IFNE: variants seen among roughly 807,000 people sequenced by gnomAD.
IFNE encodes the protein interferon epsilon.
For missense variants in IFNE, 276 were observed against 232.4 expected, an observed-to-expected ratio of 1.19 and a Z score of -1.22; for synonymous variants, 94 against 87.4, an observed-to-expected ratio of 1.08 and a Z score of -0.42.
At position 21,481,412 on chromosome 9, in the gene IFNE, T is replaced by C. The variant is rs1819038896; in HGVS notation, c.283A>G (p.Asn95Asp). Residue 95 changes from asparagine to aspartate, a missense_variant, in exon 1 of 1, where the codon AAT becomes GAT. By Grantham distance (23) the Asn-to-Asp change is conservative. Coordinates refer to ENST00000448696, the MANE Select transcript of IFNE (RefSeq NM_176891.5). ...TCCTCCCAACCATCCAGAGAAATAT[T>C]TGCCCTGAAGAGGCTGAAGATCTGC... ...LQQIFSLFRA[N>D]ISLDGWEENH... is the part of the protein sequence containing the mutation. 4 of 1,614,042 alleles carry C rather than the reference T, an allele frequency of 2.5e-6. No individual in the cohort carries two copies. The South Asian group carries it at 4.4e-5, about 18-fold the overall frequency.
At position 21,481,383 on chromosome 9, in the gene IFNE, G is replaced by C. The variant is rs370937483; in HGVS notation, c.312C>G (p.Asn104Lys). 6.8e-6 allele frequency: 11 copies of C among 1,614,092 alleles called. No homozygotes were observed. The highest frequency in any genetic ancestry group is 9.3e-6 in the Non-Finnish European group (11 of 1,179,964). ...ANISLDGWEENHTEKFLIQLH... is the reference protein window; with the variant it reads ...ANISLDGWEEKHTEKFLIQLH... ...GTTGAATGAGGAATTTCTCCGTGTGGTTTTCCTCCCAACCATCCAGAGAAA... is the reference window on the plus strand; with the variant it reads ...GTTGAATGAGGAATTTCTCCGTGTGCTTTTCCTCCCAACCATCCAGAGAAA... Residue 104 changes from asparagine (N) to lysine (K), a missense_variant, in exon 1 of 1, where the codon AAC (asparagine) becomes AAG (lysine). Transcript: ENST00000448696.
At position 21,481,260 on chromosome 9, in the gene IFNE, T is replaced by A. The variant is rs138418291; in HGVS notation, c.435A>T (p.Lys145Asn). The change falls in exon 1 of 1, where the codon AAA (lysine) becomes AAT (asparagine). Residue 145 changes from lysine to asparagine, a missense_variant. Coordinates refer to ENST00000448696, the MANE Select transcript of IFNE (RefSeq NM_176891.5). The part of the protein sequence containing the change: ...LGSDNLRLQV[K>N]MYFRRIHDYL... ...AATCATGGATCCTTCGGAAGTACAT[T>A]TTAACTTGTAATCTAAGGTTATCAC... is the stretch of plus-strand genomic sequence containing the variant. 631 of 1,614,152 alleles carry A rather than the reference T, an allele frequency of 3.9e-4. 2 individuals are homozygous for A. The highest frequency in any genetic ancestry group is 2.8e-3 in the South Asian group (257 of 91,070).
Position 21,481,347 on chromosome 9 carries a change from C to A in IFNE, c.348G>T (p.Gln116His), listed in dbSNP as rs773443149. 1.4e-5 allele frequency: 23 copies of A among 1,614,146 alleles called. No individual in the cohort carries two copies. In the South Asian group the frequency reaches 2.5e-4, roughly 18 times the overall value. Residue 116 changes from glutamine (Q) to histidine (H), a missense_variant, in exon 1 of 1, where the codon CAG (glutamine) becomes CAT (histidine). Physicochemically the swap from Gln to His is conservative, Grantham distance 24. Coordinates refer to ENST00000448696, the MANE Select transcript of IFNE (RefSeq NM_176891.5). ...CCATGAGTGCTTCTAGGTATTCTAG[C>A]TGTTGATGAAGTTGAATGAGGAATT... ...TEKFLIQLHQ[Q>H]LEYLEALMGL...
In IFNE at chr9:21,481,194, A is replaced by G. The variant is rs141265770; in HGVS notation, c.501T>C (p.Ile167=). The change falls in exon 1 of 1, where the codon ATT becomes ATC. Residue 167 remains isoleucine (I), a synonymous_variant. Coordinates refer to ENST00000448696, the MANE Select transcript of IFNE (RefSeq NM_176891.5). The part of the protein sequence containing the change: ...NQDYSTCAWA[I]VQVEISRCLF... ...GACATCGGCTGATTTCTACTTGGAC[A>G]ATGGCCCAGGCACAGGTGCTGTAGT... 3 of 1,614,142 alleles carry G rather than the reference A, an allele frequency of 1.9e-6. No individual in the cohort carries two copies. The highest frequency in any genetic ancestry group is 2.7e-5 in the African/African-American group (2 of 75,018).
chr9:21,481,661 C>T lies in IFNE; in HGVS notation c.34G>A (p.Val12Met), dbSNP rs960847236. ...AAGATAGTGGTAGAGGCCAGCAGCA[C>T]CAACACAGTTCCAAAGAAGTGCTTG... is the stretch of plus-strand genomic sequence containing the variant. ...IIKHFFGTVL[V>M]LLASTTIFSL... The change falls in exon 1 of 1, where the codon GTG becomes ATG. Residue 12 changes from valine (V) to methionine (M), a missense_variant. Transcript: ENST00000448696. 1 of 1,613,624 alleles carries T rather than the reference C, an allele frequency of 6.2e-7. No homozygotes were observed. Among genetic ancestry groups the T allele is most frequent in the Non-Finnish European group, 8.5e-7 (1 of 1,179,758 alleles).
rs1212374865 is a variant in IFNE at position 21,481,658 on chromosome 9, G to A, written c.37C>T (p.Leu13=). ...GAGAAGATAGTGGTAGAGGCCAGCAGCACCAACACAGTTCCAAAGAAGTGC... is the reference window on the plus strand; with the variant it reads ...GAGAAGATAGTGGTAGAGGCCAGCAACACCAACACAGTTCCAAAGAAGTGC... The part of the protein sequence containing the change: ...IKHFFGTVLV[L]LASTTIFSLD... The change falls in exon 1 of 1, where the codon CTG becomes TTG. Residue 13 remains leucine (L), a synonymous_variant. Coordinates refer to ENST00000448696, the MANE Select transcript of IFNE (RefSeq NM_176891.5). 1 of 1,613,654 alleles carries A rather than the reference G, an allele frequency of 6.2e-7. No homozygotes were observed. Among genetic ancestry groups the A allele is most frequent in the South Asian group, 1.1e-5 (1 of 91,018 alleles).
chr9:21,480,938 G>C lies in IFNE; in HGVS notation c.*130C>G, dbSNP rs1819022000. On this transcript the variant is annotated 3_prime_UTR_variant, in exon 1 of 1. Transcript: ENST00000448696. ...ACATTACAAAATAAAAACAATTGTG[G>C]TCAATATGCACAATCTTAAAACACA... 1.4e-6 allele frequency: 1 copy of C among 693,526 alleles called. No homozygotes were observed. Among genetic ancestry groups the C allele is most frequent in the Non-Finnish European group, 2.3e-6 (1 of 427,884 alleles). The allele number at this position is 693,526 out of a possible 1,614,324, so 43.0% of individuals were successfully genotyped here.
Position 21,481,055 on chromosome 9 carries a change from C to T in IFNE, c.*13G>A. On this transcript the variant is annotated 3_prime_UTR_variant, in exon 1 of 1. Transcript: ENST00000448696. Reference sequence around the variant, plus strand: ...GAAGAATCATGTCTGGAGAAGTCCTCTAGTCCCTCCACCTACCTCGGGCTT... The same window carrying T: ...GAAGAATCATGTCTGGAGAAGTCCTTTAGTCCCTCCACCTACCTCGGGCTT... 6.3e-7 allele frequency: 1 copy of T among 1,583,416 alleles called. No individual in the cohort carries two copies. Among genetic ancestry groups the T allele is most frequent in the Non-Finnish European group, 8.6e-7 (1 of 1,167,048 alleles).
Position 21,481,913 on chromosome 9 carries a change from T to A in IFNE, c.-219A>T. The stretch of plus-strand genomic sequence containing the variant: ...TTCTCCATTTCCCTATTGTGTTGGC[T>A]ATTTTGAGGAAGTACCAAAATAACT... On this transcript the variant is annotated 5_prime_UTR_variant, in exon 1 of 1. Coordinates refer to ENST00000448696, the MANE Select transcript of IFNE (RefSeq NM_176891.5). 1.9e-6 allele frequency: 1 copy of A among 516,048 alleles called. No homozygotes were observed. Among genetic ancestry groups the A allele is most frequent in the African/African-American group, 2.0e-5 (1 of 50,930 alleles). 32.0% of individuals were successfully genotyped at this position (516,048 alleles called of 1,614,324 possible).
chr9:21,481,085 A>G lies in IFNE; in HGVS notation c.610T>C (p.Phe204Leu). The change falls in exon 1 of 1, where the codon TTT (phenylalanine) becomes CTT (leucine). Residue 204 changes from phenylalanine to leucine, a missense_variant. Phe to Leu is a conservative substitution (Grantham distance 22, BLOSUM62 0). Transcript: ENST00000448696. ...CCCTCCACCTACCTCGGGCTTCTAAACTCTGTAGTAAGCTCTTGCTTCATG... is the reference window on the plus strand; with the variant it reads ...CCCTCCACCTACCTCGGGCTTCTAAGCTCTGTAGTAAGCTCTTGCTTCATG... ...NDMKQELTTEFRSPR is the reference protein window; with the variant it reads ...NDMKQELTTELRSPR 1 of 1,609,756 alleles carries G rather than the reference A, an allele frequency of 6.2e-7. No homozygotes were observed. The highest frequency in any genetic ancestry group is 1.1e-5 in the South Asian group (1 of 90,302).
In IFNE at chr9:21,481,006, C is replaced by A; in HGVS notation, c.*62G>T. On this transcript the variant is annotated 3_prime_UTR_variant, in exon 1 of 1. Coordinates refer to ENST00000448696, the MANE Select transcript of IFNE (RefSeq NM_176891.5). ...ACAAAATCAAAGCAATGTGATTGTA[C>A]TATAAATTGTATTACCACTCTATGA... 7.8e-7 allele frequency: 1 copy of A among 1,274,278 alleles called. No individual in the cohort carries two copies. The highest frequency in any genetic ancestry group is 1.1e-6 in the Non-Finnish European group (1 of 915,168). The allele number at this position is 1,274,278 out of a possible 1,614,324, so 78.9% of individuals were successfully genotyped here. A position where few individuals can be genotyped will look rare whatever the true frequency, so the allele number is the denominator to read the frequency against.
chr9:21,481,407 A>G lies in IFNE; in HGVS notation c.288T>C (p.Ile96=), dbSNP rs1373444545. 6.2e-7 allele frequency: 1 copy of G among 1,614,154 alleles called. No individual in the cohort carries two copies. ...QQIFSLFRAN[I]SLDGWEENHT... ...GGTTTTCCTCCCAACCATCCAGAGA[A>G]ATATTTGCCCTGAAGAGGCTGAAGA... Residue 96 remains isoleucine, a synonymous_variant, in exon 1 of 1, where the codon ATT becomes ATC. Coordinates refer to ENST00000448696, the MANE Select transcript of IFNE (RefSeq NM_176891.5).
rs755808208 is a variant in IFNE at position 21,481,504 on chromosome 9, T to C, written c.191A>G (p.Gln64Arg). ...LPHRKNFLLP[Q>R]KSLSPQQYQK... ...GTACTGCTGAGGACTCAAAGACTTC[T>C]GAGGAAGCAGAAAGTTTTTCCTGTG... is the stretch of plus-strand genomic sequence containing the variant. The change falls in exon 1 of 1, where the codon CAG (glutamine) becomes CGG (arginine). Residue 64 changes from glutamine to arginine, a missense_variant. Coordinates refer to ENST00000448696, the MANE Select transcript of IFNE (RefSeq NM_176891.5). 1.2e-6 allele frequency: 2 copies of C among 1,614,110 alleles called. No individual in the cohort carries two copies. Among genetic ancestry groups the C allele is most frequent in the Admixed American group, 3.3e-5 (2 of 60,024 alleles).
At position 21,481,288 on chromosome 9, in the gene IFNE, C is replaced by A; in HGVS notation, c.407G>T (p.Gly136Val). ...LEAEKLSGTL[G>V]SDNLRLQVKM... ...AACTTGTAATCTAAGGTTATCACTA[C>A]CCAAAGTACCACTTAGCTTCTCTGC... Residue 136 changes from glycine to valine, a missense_variant, in exon 1 of 1, where the codon GGT becomes GTT. Gly to Val is a moderately radical substitution (Grantham distance 109, BLOSUM62 -3). Coordinates refer to ENST00000448696, the MANE Select transcript of IFNE (RefSeq NM_176891.5). The A allele has an allele frequency of 6.2e-7, 1 of 1,614,102 alleles. No individual in the cohort carries two copies. The highest frequency in any genetic ancestry group is 1.1e-5 in the South Asian group (1 of 91,058).
chr9:21,480,950 A>C lies in IFNE; in HGVS notation c.*118T>G. ...AAAAACAATTGTGGTCAATATGCAC[A>C]ATCTTAAAACACAGATAAATATATA... On this transcript the variant is annotated 3_prime_UTR_variant, in exon 1 of 1. Transcript: ENST00000448696. 2.5e-6 allele frequency: 2 copies of C among 810,068 alleles called. No individual in the cohort carries two copies. Among genetic ancestry groups the C allele is most frequent in the Non-Finnish European group, 3.8e-6 (2 of 522,154 alleles). The allele number at this position is 810,068 out of a possible 1,614,324, so 50.2% of individuals were successfully genotyped here.
Position 21,481,784 on chromosome 9 carries a change from T to C in IFNE, c.-90A>G. On this transcript the variant is annotated 5_prime_UTR_variant, in exon 1 of 1. Transcript: ENST00000448696. The stretch of plus-strand genomic sequence containing the variant: ...TTTGCCTTTCATGCATCTCAGATTA[T>C]TTTGGAGAGTGTTCTCTTTTGTTGC... 1.7e-6 allele frequency: 2 copies of C among 1,173,654 alleles called. No individual in the cohort carries two copies. Among genetic ancestry groups the C allele is most frequent in the South Asian group, 3.0e-5 (2 of 65,860 alleles). The allele number at this position is 1,173,654 out of a possible 1,614,324, so 72.7% of individuals were successfully genotyped here.
chr9:21,481,131 T>C lies in IFNE; in HGVS notation c.564A>G (p.Lys188=), dbSNP rs150376581. 8 of 1,613,992 alleles carry C rather than the reference T, an allele frequency of 5.0e-6. No homozygotes were observed. In the African/African-American group the frequency reaches 1.1e-4, roughly 22 times the overall value. Residue 188 remains lysine (K), a synonymous_variant, in exon 1 of 1, where the codon AAA becomes AAG. Transcript: ENST00000448696. ...TCATGTCGTTCAAGGGTCTTCCTTG[T>C]TTGCTCAGTTTTTCTGTGAGACTGA... is the stretch of plus-strand genomic sequence containing the variant. The part of the protein sequence containing the change: ...FVFSLTEKLS[K]QGRPLNDMKQ...
chr9:21,481,630 A>G lies in IFNE; in HGVS notation c.65T>C (p.Leu22Pro), dbSNP rs979946371. 5 of 1,613,880 alleles carry G rather than the reference A, an allele frequency of 3.1e-6. No homozygotes were observed. The African/African-American group carries it at 4.0e-5, about 13-fold the overall frequency. ...VLLASTTIFSLDLKLIIFQQR... is the reference protein window; with the variant it reads ...VLLASTTIFSPDLKLIIFQQR... ...CTGGAAGATAATCAGTTTCAAATCT[A>G]GAGAGAAGATAGTGGTAGAGGCCAG... Residue 22 changes from leucine (L) to proline (P), a missense_variant, in exon 1 of 1, where the codon CTA (leucine) becomes CCA (proline). Coordinates refer to ENST00000448696, the MANE Select transcript of IFNE (RefSeq NM_176891.5).
In IFNE at chr9:21,480,978, T is replaced by C. The variant is rs1354632323; in HGVS notation, c.*90A>G. ...CTTAAAACACAGATAAATATATATA[T>C]ACACAAAATCAAAGCAATGTGATTG... On this transcript the variant is annotated 3_prime_UTR_variant, in exon 1 of 1. Transcript: ENST00000448696. 3.0e-6 allele frequency: 3 copies of C among 1,010,138 alleles called. No homozygotes were observed. The highest frequency in any genetic ancestry group is 2.5e-5 in the Admixed American group (1 of 40,816). 62.6% of individuals were successfully genotyped at this position (1,010,138 alleles called of 1,614,324 possible).
Sources: gnomAD v4.1 joint callset for allele counts on GRCh38, gnomAD v4.1.1 for gene constraint, MANE v1.5 for transcripts, NCBI Gene and HGNC (gene_info 2026-07-23, HGNC 2026-07-21) for gene names.